Variants in HDAC4 observed in about 807,000 individuals in gnomAD.
HDAC4 encodes histone deacetylase A.
HDAC4 carries 16 observed loss-of-function variants against 135.1 expected under a neutral mutation model. The observed-to-expected ratio is 0.12, with a 90% confidence interval of 0.08 to 0.18. The LOEUF (loss-of-function observed/expected upper bound fraction) is 0.18. HDAC4 is among the 10% of genes least tolerant of loss of function. The pLI, the probability that HDAC4 is intolerant of heterozygous loss-of-function variation, is 1.00. For synonymous variants in HDAC4, 685 were observed against 653.4 expected (o/e 1.05, Z -0.74); for missense variants, 1,143 against 1,511.8 (o/e 0.76, Z 4.05).
chr2:239,081,367 C>T (rs949493396), intron 21 of HDAC4, among the ~76,000 whole-genome samples, 175 bp from the exon 22 acceptor site: 3 of 152,236 alleles, frequency 2.0e-5, no homozygotes, highest in Admixed American at 6.5e-5. Context: ...AGGGGCCCCA[C>T]TGACAGGGGC....
At chr2:239,250,500 T>A (rs2124942086) in intron 2 of HDAC4, among the ~76,000 whole-genome samples, 1 of 152,312 alleles carries the variant, frequency 6.6e-6, no homozygotes, top group East Asian at 1.9e-4. Context: ...CCACTGGGGC[T>A]GCCACTGGCT....
At chr2:239,397,881 C>T (rs1696670644) in intron 1 of HDAC4, among the ~76,000 whole-genome samples, 1 of 152,192 alleles carries the variant, frequency 6.6e-6, no homozygotes, top group African/African-American at 2.4e-5. Context: ...GGCCAAAAAC[C>T]CAGAGCCCAC....
chr2:239,358,709 C>T (rs1345320024), intron 1 of HDAC4, among the ~76,000 whole-genome samples: 1 of 152,184 alleles, frequency 6.6e-6, no homozygotes, highest in Non-Finnish European at 1.5e-5. Flanking sequence ...TTTAGTCTTC[C>T]TCTTTCCTTG....
rs1262564411 is a variant in HDAC4, at chr2:239,313,390, C to G, written c.22+39288G>C. Among the ~76,000 whole-genome samples the G allele has an allele frequency of 6.6e-6, 1 of 152,132 alleles. No homozygotes were observed. Among genetic ancestry groups the G allele is most frequent in the East Asian group, 1.9e-4 (1 of 5,182 alleles). On this transcript the variant is annotated intron_variant, in intron 2 of 26. Transcript: ENST00000543185. The surrounding 1 kb of genome is among the most constrained non-coding windows in gnomAD (Gnocchi z 5.1). ...CACTTGCTGGAAACGGCCTCCTCCC[C>G]AAAGAGTGTGAGGATCTGGATTAGA...
At chr2:239,366,740 A>G (rs1000852065) in intron 1 of HDAC4, among the ~76,000 whole-genome samples, 2 of 152,082 alleles carry the variant, frequency 1.3e-5, no homozygotes, top group South Asian at 4.2e-4. Context: ...TGCCATGAAC[A>G]CCCCGAGAGA....
chr2:239,374,386 C>CTTTTTTTTTTTTTTTTTTT (rs755538495), intron 1 of HDAC4, among the ~76,000 whole-genome samples: 1 of 56,666 alleles, frequency 1.8e-5, no homozygotes, highest in East Asian at 6.0e-4. Context: ...GAAAACAAGG[C>CTTTTTTTTTTTTTTTTTTT]TTTTTTTTTT....
intron 24 of HDAC4, among the ~76,000 whole-genome samples, chr2:239,065,386 CATAAGGGACTGGGGAGATTTTTTTGT>C (rs1464853759): frequency 1.3e-5 from 2 of 152,242 alleles, no homozygotes; most frequent in Admixed American, 1.3e-4. Context: ...GTTCCCCAAA[CATAAGGGACTGGGGAGATTTTTTTGT>C]AAAGACAGGT....
chr2:239,298,040 A>G (rs1575642738), intron 2 of HDAC4: 2 of 450,698 alleles, frequency 4.4e-6, no homozygotes, highest in Non-Finnish European at 8.3e-6. Context: ...GGCAGGAATT[A>G]GCACAATATT....
chr2:239,281,530 C>CGCAG, intron 2 of HDAC4, among the ~76,000 whole-genome samples: 1 of 132,366 alleles, frequency 7.6e-6, no homozygotes, highest in East Asian at 2.5e-4. Flanking sequence ...CCACTCTACA[C>CGCAG]TGAACACACC....
At chr2:239,256,738 T>C (rs2049071649) in intron 2 of HDAC4, among the ~76,000 whole-genome samples, 1 of 152,224 alleles carries the variant, frequency 6.6e-6, no homozygotes, top group Non-Finnish European at 1.5e-5. Context: ...AAGCTACCTA[T>C]GGGGAAACAG....
intron 7 of HDAC4, among the ~76,000 whole-genome samples, chr2:239,147,537 G>A (rs868262511): frequency 3.3e-5 from 5 of 152,250 alleles, no homozygotes; most frequent in Non-Finnish European, 5.9e-5. Context: ...CCCCTTCACC[G>A]CCCTCGCGGG....
chr2:239,193,528 C>T (rs548120142), intron 3 of HDAC4, among the ~76,000 whole-genome samples: 1 of 152,328 alleles, frequency 6.6e-6, no homozygotes, highest in East Asian at 1.9e-4. Context: ...CAGTGGGCTG[C>T]GTCTCACCGA....
rs2126143279 is a variant in HDAC4, at chr2:239,400,044, C to A, written c.-220+934G>T. 6.6e-6 allele frequency among the ~76,000 whole-genome samples: 1 copy of A among 152,296 alleles called. No individual in the cohort carries two copies. Among genetic ancestry groups the A allele is most frequent in the African/African-American group, 2.4e-5 (1 of 41,592 alleles). ...CCTCCTATAACAGTGTCAAATAATT[C>A]AACGCTCAATGTAAATACGAGATAA... On this transcript the variant is annotated intron_variant, in intron 1 of 26. Transcript: ENST00000543185. This position sits in a 1 kb window ranked among gnomAD's most constrained non-coding sequence, Gnocchi z 4.7.
At chr2:239,194,005 G>A (rs3791568) in intron 3 of HDAC4, among the ~76,000 whole-genome samples, 24,520 of 152,224 alleles carry the variant, frequency 0.16, 2,211 homozygotes, top group East Asian at 0.28. Flanking sequence ...CCAGATCTGA[G>A]CCCGGGGTGG....
rs1234441272 is a variant in HDAC4, at chr2:239,115,369, CAGG to C, written c.1534-62_1534-60del. 3.1e-6 allele frequency: 5 copies of C among 1,603,320 alleles called. No homozygotes were observed. In the South Asian group the frequency reaches 3.3e-5, roughly 11 times the overall value. ...AGCTGGGTCCTCTGAGCTCATCTGA[CAGG>C]AGAAGGGATGCTGCAAACCCCACCC... On this transcript the variant is annotated intron_variant, in intron 12 of 26. Coordinates refer to ENST00000543185, the MANE Select transcript of HDAC4 (RefSeq NM_001378414.1). The surrounding 1 kb of genome is among the most constrained non-coding windows in gnomAD (Gnocchi z 6.3).
At chr2:239,142,338 G>A (rs1034460099) in intron 8 of HDAC4, among the ~76,000 whole-genome samples, 2 of 152,096 alleles carry the variant, frequency 1.3e-5, no homozygotes, top group Admixed American at 6.5e-5. Flanking sequence ...CTCCGTGTGG[G>A]ACCACCCCGC....
At chr2:239,281,291 CAATGA>C (rs1559322119) in intron 2 of HDAC4, among the ~76,000 whole-genome samples, 6 of 109,960 alleles carry the variant, frequency 5.5e-5, no homozygotes, top group African/African-American at 1.8e-4. Context: ...CACCACTCTA[CAATGA>C]ACACACCACT....
chr2:239,084,650 A>C (rs951728283), intron 19 of HDAC4, among the ~76,000 whole-genome samples: 68 of 147,052 alleles, frequency 4.6e-4, no homozygotes, highest in Non-Finnish European at 8.6e-4. Context: ...CGTACACCCC[A>C]CACAGACACA....
chr2:239,125,879 C>A (rs2040150180), intron 12 of HDAC4, among the ~76,000 whole-genome samples: 1 of 152,230 alleles, frequency 6.6e-6, no homozygotes, highest in Non-Finnish European at 1.5e-5. Context: ...TGACAGTGTC[C>A]CTTCGACTTC....
Sources: allele counts gnomAD v4.1 joint callset (sites outside exome capture counted in the v4.1 genomes callset), GRCh38; gene constraint gnomAD v4.1.1; non-coding constraint Gnocchi (gnomAD v3.1); transcripts MANE v1.5; gene names NCBI Gene and HGNC (gene_info 2026-07-23, HGNC 2026-07-21).